The following TOX variants were observed in gnomAD, a reference collection of about 807,000 sequenced individuals.
TOX encodes the protein thymocyte selection associated high mobility group box.
TOX carries 11 observed loss-of-function variants against 53.7 expected under a neutral mutation model. The observed-to-expected ratio is 0.20, with a 90% CI of 0.13 to 0.34. The LOEUF (loss-of-function observed/expected upper bound fraction) is 0.34. TOX is among the 10% of genes least tolerant of loss of function. The pLI is 1.00. For missense variants in TOX, 570 were observed against 664.6 expected (o/e 0.86, Z 1.56); for synonymous variants, 225 against 245.3 (o/e 0.92, Z 0.77).
intron 3 of TOX, among the ~76,000 whole-genome samples, chr8:58,865,448 GT>G (rs1811080933): frequency 6.7e-6 from 1 of 148,576 alleles, no homozygotes; most frequent in South Asian, 2.1e-4. Context: ...TTTAATTCTT[GT>G]TGAAAACTGT....
At chr8:59,112,906 T>C (rs1251638429) in intron 1 of TOX, among the ~76,000 whole-genome samples, 1 of 152,220 alleles carries the variant, frequency 6.6e-6, no homozygotes, top group Admixed American at 6.5e-5. Context: ...AATGTAATTG[T>C]TAATAGCATA....
chr8:58,883,548 C>A (rs1267035496), intron 3 of TOX, among the ~76,000 whole-genome samples: 1 of 152,076 alleles, frequency 6.6e-6, no homozygotes, highest in East Asian at 1.9e-4. Flanking sequence ...CAAATAATTA[C>A]CCTTTCAAAA....
Position 59,075,000 on chromosome 8 carries a change from G to A in TOX, c.102+43886C>T, listed in dbSNP as rs114513277. On this transcript the variant is annotated intron_variant, in intron 1 of 8. Coordinates refer to ENST00000361421, the MANE Select transcript of TOX (RefSeq NM_014729.3). ...GCAGGGACTGCAGACAAAGTCTTTC[G>A]TAGTGACACAACCATGAGATGGTAA... 4.8e-3 allele frequency among the ~76,000 whole-genome samples: 727 copies of A among 152,322 alleles called. 12 individuals carry two copies. The highest frequency in any genetic ancestry group is 0.017 in the African/African-American group (686 of 41,566).
intron 1 of TOX, among the ~76,000 whole-genome samples, chr8:59,039,893 T>G (rs1207227245): frequency 6.6e-6 from 1 of 152,232 alleles, no homozygotes; most frequent in African/African-American, 2.4e-5. Context: ...TTTATTGAAT[T>G]AACACTTCAT....
At chr8:58,932,893 C>A (rs1812280759) in intron 3 of TOX, among the ~76,000 whole-genome samples, 1 of 152,086 alleles carries the variant, frequency 6.6e-6, no homozygotes, top group African/African-American at 2.4e-5. Flanking sequence ...GACAATAAAT[C>A]TGAGTATATA....
chr8:58,904,181 C>T (rs528629902), intron 3 of TOX, among the ~76,000 whole-genome samples: 2 of 152,274 alleles, frequency 1.3e-5, no homozygotes, highest in South Asian at 2.1e-4. Context: ...CCACAGAATG[C>T]TTCAGAGTGG....
At chr8:58,920,830 C>G (rs1812060354) in intron 3 of TOX, among the ~76,000 whole-genome samples, 1 of 148,382 alleles carries the variant, frequency 6.7e-6, no homozygotes. Flanking sequence ...CAGCACCTAT[C>G]ATAGTTCTGG....
intron 5 of TOX, among the ~76,000 whole-genome samples, chr8:58,828,325 C>T (rs1038528782): frequency 1.3e-5 from 2 of 152,210 alleles, no homozygotes; most frequent in Admixed American, 1.3e-4. Flanking sequence ...AATTTTTCTC[C>T]TAAAGTGGGG....
chr8:58,897,356 C>T (rs1295451473), intron 3 of TOX, among the ~76,000 whole-genome samples: 1 of 152,046 alleles, frequency 6.6e-6, no homozygotes, highest in East Asian at 1.9e-4. Context: ...CTGGATACTA[C>T]AAAATAAATT....
At chr8:58,889,286 A>T (rs1811523572) in intron 3 of TOX, among the ~76,000 whole-genome samples, 1 of 151,650 alleles carries the variant, frequency 6.6e-6, no homozygotes, top group South Asian at 2.1e-4. Flanking sequence ...TAATTGAATT[A>T]TGAAGAATAC....
intron 1 of TOX, among the ~76,000 whole-genome samples, chr8:58,984,604 C>G (rs1813287824): frequency 6.6e-6 from 1 of 151,906 alleles, no homozygotes; most frequent in Non-Finnish European, 1.5e-5. Context: ...CACAGTGAAA[C>G]CCCGTCTCTA....
intron 1 of TOX, among the ~76,000 whole-genome samples, chr8:58,973,467 G>A (rs1327220864): frequency 1.3e-5 from 2 of 152,094 alleles, no homozygotes; most frequent in Non-Finnish European, 1.5e-5. Context: ...ATAAAGCCTC[G>A]GAGGCTCCAC....
intron 4 of TOX, among the ~76,000 whole-genome samples, chr8:58,850,399 T>C (rs1175765566): frequency 3.3e-5 from 5 of 152,126 alleles, no homozygotes; most frequent in Non-Finnish European, 7.4e-5. Flanking sequence ...TGGGCAGGAA[T>C]AGGCAAGGCA....
chr8:59,042,810 C>A (rs1024007000), intron 1 of TOX, among the ~76,000 whole-genome samples: 3 of 152,008 alleles, frequency 2.0e-5, no homozygotes, highest in African/African-American at 4.8e-5. Flanking sequence ...TGAGAGTGTT[C>A]TTTTATATTG....
At chr8:58,914,483 G>T (rs1003234874) in intron 3 of TOX, among the ~76,000 whole-genome samples, 1 of 151,992 alleles carries the variant, frequency 6.6e-6, no homozygotes, top group Non-Finnish European at 1.5e-5. Flanking sequence ...CTCATTCAGG[G>T]GTATTTTTGC....
intron 1 of TOX, among the ~76,000 whole-genome samples, chr8:59,083,235 T>G (rs906223375): frequency 1.3e-5 from 2 of 152,204 alleles, no homozygotes; most frequent in Non-Finnish European, 2.9e-5. Flanking sequence ...ACTTTGTAAA[T>G]TTTTCATCTT....
Position 58,936,552 on chromosome 8 carries a change from G to T in TOX, c.411+2750C>A, listed in dbSNP as rs138710064. Among the ~76,000 whole-genome samples, 58 of 152,304 alleles carry T rather than the reference G, an allele frequency of 3.8e-4. 1 individual carries two copies. The highest frequency in any genetic ancestry group is 7.2e-4 in the Non-Finnish European group (49 of 68,024). ...TTCAAAATATATACACTGAGGAATG[G>T]CATTCTAGTCGTGTGGGAGCTCAAA... On this transcript the variant is annotated intron_variant, in intron 3 of 8. Coordinates refer to ENST00000361421, the MANE Select transcript of TOX (RefSeq NM_014729.3).
chr8:59,087,526 C>G (rs139993185), intron 1 of TOX, among the ~76,000 whole-genome samples: 130 of 152,302 alleles, frequency 8.5e-4, no homozygotes, highest in African/African-American at 3.0e-3. Context: ...TCTGTCCCCC[C>G]CTTTACTCTG....
intron 1 of TOX, among the ~76,000 whole-genome samples, chr8:58,983,426 G>C (rs1358425021): frequency 6.6e-6 from 1 of 152,206 alleles, no homozygotes; most frequent in African/African-American, 2.4e-5. Flanking sequence ...TCGAGTTAAA[G>C]CTTCTAGGCT....
Sources: gnomAD v4.1 joint callset for allele counts (sites outside exome capture counted in the v4.1 genomes callset) on GRCh38, gnomAD v4.1.1 for gene constraint, MANE v1.5 for transcripts, NCBI Gene and HGNC (gene_info 2026-07-23, HGNC 2026-07-21) for gene names.